Variants in ZNF469 observed in about 807,000 individuals in gnomAD.
ZNF469 encodes zinc finger protein 469.
In ZNF469, 1 loss-of-function variant was observed where a neutral mutation model predicts 1.0. That is an observed-to-expected ratio of 1.00 (90% CI 0.35 to 4.73). ZNF469 has a LOEUF of 4.73. Among genes scored for constraint, ZNF469 ranks in the 30% most tolerant of loss-of-function variants. The pLI, the probability that ZNF469 is intolerant of heterozygous loss-of-function variation, is 0.16. For synonymous variants in ZNF469, 2,703 were observed against 2,363.4 expected (o/e 1.14, Z -4.17); for missense variants, 6,100 against 5,356.3 (o/e 1.14, Z -4.33).
chr16:88,337,957 T>C, the ZNF469 span, among the ~76,000 whole-genome samples: 2 of 152,216 alleles, frequency 1.3e-5, no homozygotes, highest in African/African-American at 4.8e-5. Flanking sequence ...TTCTCAATGG[T>C]GTCCTTTGAA....
the ZNF469 span, among the ~76,000 whole-genome samples, chr16:88,202,526 A>G: frequency 6.6e-6 from 1 of 152,124 alleles, no homozygotes; most frequent in Non-Finnish European, 1.5e-5. Flanking sequence ...CTTATCCATC[A>G]TCATTCTCCC....
At chr16:88,141,535 A>C in the ZNF469 span, among the ~76,000 whole-genome samples, 3 of 34,838 alleles carry the variant, frequency 8.6e-5, no homozygotes, top group African/African-American at 2.0e-4. Flanking sequence ...CTGCTATGAA[A>C]CGCTCAGCCT....
chr16:88,401,710 G>GGTGGATGA (rs1904872688), intron 1 of ZNF469, among the ~76,000 whole-genome samples: 1 of 120,472 alleles, frequency 8.3e-6, no homozygotes, highest in African/African-American at 3.0e-5. Flanking sequence ...TGGATATATG[G>GGTGGATGA]GTAGATGGAT....
At chr16:88,300,025 G>T in the ZNF469 span, among the ~76,000 whole-genome samples, 5 of 152,210 alleles carry the variant, frequency 3.3e-5, no homozygotes, top group African/African-American at 1.2e-4. Context: ...CGGCTAGGGG[G>T]ACGCAATGGC....
At chr16:88,349,776 CACAAG>C in the ZNF469 span, among the ~76,000 whole-genome samples, 1 of 79,046 alleles carries the variant, frequency 1.3e-5, no homozygotes, top group Non-Finnish European at 2.9e-5. Flanking sequence ...TACACACCAA[CACAAG>C]TGCACACACA....
chr16:88,193,168 GT>G, the ZNF469 span, among the ~76,000 whole-genome samples: 15 of 14,906 alleles, frequency 1.0e-3, 2 homozygotes, highest in African/African-American at 4.4e-3. Flanking sequence ...GGTGATGGTG[GT>G]GGGGATGGTG....
rs762598893 is a variant in ZNF469, at chr16:88,436,703, TC to T, written c.9234del (p.Phe3078LeufsTer104). On this transcript the variant is annotated frameshift_variant, in exon 3 of 3. Transcript: ENST00000565624. LOFTEE classifies it low-confidence loss of function (END_TRUNC). ...VGLPGPSFLD[F>X]EGTASSQGPQ... ...CTCCCCGGCCCCAGCTTCTTAGACT[TC>T]GAGGGCACGGCGAGCTCACAGGGGC... 6.5e-7 allele frequency: 1 copy of T among 1,549,824 alleles called. No individual in the cohort carries two copies. Among genetic ancestry groups the T allele is most frequent in the Non-Finnish European group, 8.7e-7 (1 of 1,146,678 alleles).
the ZNF469 span, among the ~76,000 whole-genome samples, chr16:88,254,327 C>T: frequency 1.3e-5 from 2 of 152,236 alleles, no homozygotes; most frequent in Admixed American, 1.3e-4. Context: ...TATATGGGGT[C>T]TATGTCTAGA....
the ZNF469 span, among the ~76,000 whole-genome samples, chr16:88,199,866 C>G: frequency 6.6e-6 from 1 of 152,208 alleles, no homozygotes; most frequent in Non-Finnish European, 1.5e-5. Context: ...CAGATCAAGC[C>G]TCTCTGAGTC....
At chr16:88,403,061 T>A (rs1307280787) in intron 1 of ZNF469, among the ~76,000 whole-genome samples, 1 of 152,176 alleles carries the variant, frequency 6.6e-6, no homozygotes, top group Non-Finnish European at 1.5e-5. Context: ...CACTTTTAAC[T>A]TTATGGGGCC....
the ZNF469 span, among the ~76,000 whole-genome samples, chr16:88,331,479 C>G: frequency 6.7e-6 from 1 of 150,042 alleles, no homozygotes; most frequent in Non-Finnish European, 1.5e-5. Context: ...ACCATCATCA[C>G]CATCATCATC....
chr16:88,110,180 C>T, the ZNF469 span, among the ~76,000 whole-genome samples: 1 of 152,232 alleles, frequency 6.6e-6, no homozygotes, highest in Non-Finnish European at 1.5e-5. Context: ...CCCCAAATCA[C>T]CCAGGCCGAG....
chr16:88,287,710 G>A, the ZNF469 span, among the ~76,000 whole-genome samples: 1 of 152,092 alleles, frequency 6.6e-6, no homozygotes, highest in Non-Finnish European at 1.5e-5. Flanking sequence ...CGGTCTTCAT[G>A]TTGCTATGAA....
intron 1 of ZNF469, among the ~76,000 whole-genome samples, chr16:88,398,106 C>T (rs1904742019): frequency 2.0e-5 from 3 of 152,246 alleles, no homozygotes; most frequent in Non-Finnish European, 4.4e-5. Flanking sequence ...GACCTCTCTA[C>T]AGCCTGATGG....
chr16:88,128,282 G>C, the ZNF469 span, among the ~76,000 whole-genome samples: 9 of 152,312 alleles, frequency 5.9e-5, no homozygotes, highest in South Asian at 1.9e-3. Flanking sequence ...GAAGTAGGGG[G>C]TGATCCTGGG....
In ZNF469 at chr16:88,428,834, C is replaced by T. The variant is rs1905898949; in HGVS notation, c.1364C>T (p.Pro455Leu). 3 of 1,547,682 alleles carry T rather than the reference C, an allele frequency of 1.9e-6. No individual in the cohort carries two copies. The African/African-American group carries it at 4.1e-5, about 21-fold the overall frequency. The change falls in exon 3 of 3, where the codon CCC (proline) becomes CTC (leucine). Residue 455 changes from proline to leucine, a missense_variant. Physicochemically the swap from Pro to Leu is moderately conservative, Grantham distance 98. Coordinates refer to ENST00000565624, the MANE Select transcript of ZNF469 (RefSeq NM_001367624.2). ...CCTTACCCCACACCTCCTGGGGGCC[C>T]CCTGGCTGCCACCAGGAGTATGTTC... ...AAPYPTPPGGPLAATRSMFFN... is the reference protein window; with the variant it reads ...AAPYPTPPGGLLAATRSMFFN...
At position 88,429,712 on chromosome 16, in the gene ZNF469, G is replaced by T. The variant is rs1411776696; in HGVS notation, c.2242G>T (p.Ala748Ser). 5 of 1,543,050 alleles carry T rather than the reference G, an allele frequency of 3.2e-6. No homozygotes were observed. In the East Asian group the frequency reaches 7.4e-5, roughly 23 times the overall value. The change falls in exon 3 of 3, where the codon GCC becomes TCC. Residue 748 changes from alanine to serine, a missense_variant. Transcript: ENST00000565624. ...RNYSSLAAFLAHRQFCGLLLA... is the reference protein window; with the variant it reads ...RNYSSLAAFLSHRQFCGLLLA... ...CTACAGCAGCCTGGCGGCCTTCCTG[G>T]CCCACCGGCAGTTCTGTGGCCTGCT... is the stretch of plus-strand genomic sequence containing the variant.
chr16:88,149,317 G>A, the ZNF469 span, among the ~76,000 whole-genome samples: 3 of 152,204 alleles, frequency 2.0e-5, no homozygotes, highest in Non-Finnish European at 2.9e-5. Context: ...TTCCCCTGGT[G>A]AGTGCTGGGC....
At chr16:88,131,176 C>A in the ZNF469 span, among the ~76,000 whole-genome samples, 1 of 152,240 alleles carries the variant, frequency 6.6e-6, no homozygotes, top group Non-Finnish European at 1.5e-5. Flanking sequence ...GCAGAACCGG[C>A]TGTCTGGGCC....
Sources: gnomAD v4.1 joint callset for allele counts (sites outside exome capture counted in the v4.1 genomes callset) on GRCh38, gnomAD v4.1.1 for gene constraint, MANE v1.5 for transcripts, NCBI Gene and HGNC (gene_info 2026-07-23, HGNC 2026-07-21) for gene names.